The following TMEM40 variants were observed in gnomAD, a reference collection of about 807,000 sequenced individuals.
TMEM40 encodes transmembrane protein 40.
A neutral mutation model predicts 40.8 loss-of-function variants in TMEM40; 34 were observed. The observed-to-expected ratio is 0.83, with a 90% confidence interval of 0.63 to 1.11. TMEM40 has a LOEUF of 1.11. Among genes scored for constraint, TMEM40 ranks in the 50% least tolerant of loss-of-function variants. The pLI, the probability that TMEM40 is intolerant of heterozygous loss-of-function variation, is 0.00. For synonymous variants in TMEM40, 106 were observed against 107.0 expected (o/e 0.99, Z 0.06); for missense variants, 296 against 280.2 (o/e 1.06, Z -0.40).
Position 12,749,757 on chromosome 3 carries a change from TAC to T in TMEM40, c.73+1_73+2del. 1 of 1,613,588 alleles carries T rather than the reference TAC, an allele frequency of 6.2e-7. No individual in the cohort carries two copies. Among genetic ancestry groups the T allele is most frequent in the South Asian group, 1.1e-5 (1 of 90,956 alleles). On this transcript the variant is annotated splice_donor_variant, in intron 2 of 11. Coordinates refer to ENST00000314124, the MANE Select transcript of TMEM40 (RefSeq NM_018306.4). LOFTEE classifies it high-confidence loss of function. ...CCCAGAGGGTCAGAGAAGGCAAACG[TAC>T]AGTCTACATCTTCTGTTTCTCTGTG...
chr3:12,747,500 A>G (rs2061438530), intron 3 of TMEM40, among the ~76,000 whole-genome samples: 1 of 152,258 alleles, frequency 6.6e-6, no homozygotes, highest in South Asian at 2.1e-4. Flanking sequence ...GTAAGCATTC[A>G]ATAAATATTG....
chr3:12,760,804 C>T (rs1298156242), upstream of TMEM40, among the ~76,000 whole-genome samples: 6 of 151,492 alleles, frequency 4.0e-5, no homozygotes, highest in South Asian at 4.2e-4. Flanking sequence ...TGCAGTGGCA[C>T]GATCATCACT....
intron 1 of TMEM40, among the ~76,000 whole-genome samples, chr3:12,767,761 C>A (rs971772536): frequency 1.3e-5 from 2 of 152,090 alleles, no homozygotes; most frequent in African/African-American, 4.8e-5. Flanking sequence ...CTGGACTTAA[C>A]AAAGAGGCAA....
chr3:12,755,259 CT>C (rs1371667175), intron 1 of TMEM40, among the ~76,000 whole-genome samples: 4 of 102,744 alleles, frequency 3.9e-5, no homozygotes, highest in African/African-American at 1.9e-4. Flanking sequence ...TTCTTTCTTT[CT>C]TTCTTTCTTT....
At chr3:12,742,363 T>C (rs2061390115) in intron 5 of TMEM40, 91 bp downstream of exon 5, 1 of 1,478,654 alleles carries the variant, frequency 6.8e-7, no homozygotes, top group Non-Finnish European at 9.3e-7. Context: ...TTTCAGCTCA[T>C]GAATCACCCT....
chr3:12,738,011 G>A (rs1243814133), intron 7 of TMEM40, 125 bp downstream of exon 7: 1 of 1,245,138 alleles, frequency 8.0e-7, no homozygotes, highest in Non-Finnish European at 1.2e-6. Flanking sequence ...CTGAATCATA[G>A]TGACACTGGC....
At position 12,737,701 on chromosome 3, in the gene TMEM40, C is replaced by T. The variant is rs780372962; in HGVS notation, c.472+6G>A. ...AAAAGCAGCTCTGCTACACCAAGTT[C>T]CTTACCATCTTTCTTTATATTCAGT... On this transcript the variant is annotated splice_donor_region_variant and intron_variant, in intron 8 of 11. Transcript: ENST00000314124. 6.2e-7 allele frequency: 1 copy of T among 1,613,998 alleles called. No individual in the cohort carries two copies. The highest frequency in any genetic ancestry group is 8.5e-7 in the Non-Finnish European group (1 of 1,179,922).
chr3:12,742,206 G>A (rs1299188746), intron 5 of TMEM40, among the ~76,000 whole-genome samples: 1 of 152,098 alleles, frequency 6.6e-6, no homozygotes, highest in East Asian at 1.9e-4. Flanking sequence ...CTCCAGCCTG[G>A]GCGACAGAGT....
At chr3:12,768,141 C>A (rs1012111320) in intron 1 of TMEM40, among the ~76,000 whole-genome samples, 1 of 152,134 alleles carries the variant, frequency 6.6e-6, no homozygotes, top group African/African-American at 2.4e-5. Context: ...AAGCTGCAGA[C>A]CTTCGCGGTG....
intron 3 of TMEM40, among the ~76,000 whole-genome samples, chr3:12,747,217 C>T (rs2061435962): frequency 6.6e-6 from 1 of 151,072 alleles, no homozygotes; most frequent in African/African-American, 2.4e-5. Context: ...AGCCCAGAGA[C>T]CTTTCATTAA....
At chr3:12,743,249 C>T (rs796190021) in intron 4 of TMEM40, among the ~76,000 whole-genome samples, 10 of 152,354 alleles carry the variant, frequency 6.6e-5, no homozygotes, top group African/African-American at 2.2e-4. Context: ...GGGTAGATCA[C>T]TTGAGTCCAG....
intron 8 of TMEM40, 173 bp downstream of exon 8, chr3:12,737,534 G>A: frequency 1.5e-6 from 1 of 649,058 alleles, no homozygotes; most frequent in South Asian, 1.9e-5. Context: ...TCTGCAAAAT[G>A]GGAACCATTG....
upstream of TMEM40, among the ~76,000 whole-genome samples, chr3:12,762,884 C>G (rs768019367): frequency 2.2e-4 from 33 of 152,174 alleles, no homozygotes; most frequent in Non-Finnish European, 4.3e-4. Context: ...TTAAATGCAG[C>G]TGGGCGCGGT....
At chr3:12,763,420 G>A (rs758288298), upstream of TMEM40, among the ~76,000 whole-genome samples, 33 of 152,138 alleles carry the variant, frequency 2.2e-4, no homozygotes, top group Non-Finnish European at 4.3e-4. Flanking sequence ...GAAGTGTAAG[G>A]CAGGCCCCAG....
At chr3:12,768,322 A>T (rs2061604003) in intron 1 of TMEM40, among the ~76,000 whole-genome samples, 1 of 152,152 alleles carries the variant, frequency 6.6e-6, no homozygotes, top group African/African-American at 2.4e-5. Flanking sequence ...ACAGTGTGAA[A>T]GGTGACCCCA....
chr3:12,747,910 CAAAAAAAAAA>C (rs747586371), intron 3 of TMEM40, among the ~76,000 whole-genome samples: 3 of 27,568 alleles, frequency 1.1e-4, no homozygotes, highest in Non-Finnish European at 1.7e-4. Flanking sequence ...GATTCTGTCT[CAAAAAAAAAA>C]AAAAAAAAAA....
chr3:12,761,611 AAAAAG>A (rs2061569041), upstream of TMEM40, among the ~76,000 whole-genome samples: 1 of 151,634 alleles, frequency 6.6e-6, no homozygotes, highest in African/African-American at 2.4e-5. Flanking sequence ...ATCTCAAAAA[AAAAAG>A]AAAAAGAAAA....
intron 3 of TMEM40, among the ~76,000 whole-genome samples, chr3:12,745,062 T>C (rs1383441015): frequency 6.6e-6 from 1 of 152,106 alleles, no homozygotes; most frequent in Admixed American, 6.6e-5. Flanking sequence ...GTAAAAATTA[T>C]TCCAATTTTT....
chr3:12,759,725 G>A (rs548700194), upstream of TMEM40, among the ~76,000 whole-genome samples: 3 of 152,312 alleles, frequency 2.0e-5, no homozygotes, highest in Non-Finnish European at 4.4e-5. Flanking sequence ...TCAGGAGACT[G>A]GCAGTGCCCA....
Sources: allele counts gnomAD v4.1 joint callset (sites outside exome capture counted in the v4.1 genomes callset), GRCh38; gene constraint gnomAD v4.1.1; transcripts MANE v1.5; gene names NCBI Gene and HGNC (gene_info 2026-07-23, HGNC 2026-07-21).